Variants in LOC400499 observed in about 807,000 individuals in gnomAD.
the LOC400499 span, among the ~76,000 whole-genome samples, chr16:11,480,834 C>G: frequency 6.6e-6 from 1 of 152,166 alleles, no homozygotes; most frequent in Non-Finnish European, 1.5e-5. Flanking sequence ...TGAAAAGGAA[C>G]AAATTATAAG....
At chr16:11,493,582 C>G in the LOC400499 span, 16 of 395,268 alleles carry the variant, frequency 4.0e-5, no homozygotes, top group East Asian at 5.4e-4. Flanking sequence ...AATTAGCAAA[C>G]TGTGGTTCGA....
chr16:11,440,695 G>A, the LOC400499 span: 71 of 398,876 alleles, frequency 1.8e-4, no homozygotes, highest in South Asian at 1.2e-3. Flanking sequence ...GGCCTCCCTC[G>A]GCAAGGGAGC....
At chr16:11,458,320 T>C in the LOC400499 span, among the ~76,000 whole-genome samples, 1 of 152,016 alleles carries the variant, frequency 6.6e-6, no homozygotes, top group Non-Finnish European at 1.5e-5. Flanking sequence ...CACTCCAGCC[T>C]GGGCAACAGG....
At chr16:11,490,816 T>G in the LOC400499 span, among the ~76,000 whole-genome samples, 70 of 152,374 alleles carry the variant, frequency 4.6e-4, no homozygotes, top group African/African-American at 1.6e-3. Flanking sequence ...CAAGTTCTGA[T>G]GTAATACACA....
chr16:11,500,669 G>A, the LOC400499 span: 2 of 396,812 alleles, frequency 5.0e-6, no homozygotes, highest in Non-Finnish European at 8.9e-6. Context: ...AGCCCAGGAG[G>A]ATGGGTGGTC....
chr16:11,473,588 C>G, the LOC400499 span, among the ~76,000 whole-genome samples: 284 of 151,980 alleles, frequency 1.9e-3, no homozygotes, highest in African/African-American at 6.6e-3. Flanking sequence ...AACCCTGTCT[C>G]CACTAAAAAT....
At chr16:11,502,201 C>T in the LOC400499 span, 1 of 398,950 alleles carries the variant, frequency 2.5e-6, no homozygotes, top group Non-Finnish European at 4.4e-6. Context: ...GAGGGGGCAG[C>T]ATGAGACACC....
the LOC400499 span, chr16:11,516,216 G>T: frequency 5.0e-6 from 2 of 399,696 alleles, no homozygotes; most frequent in East Asian, 7.1e-5. Flanking sequence ...TTCACGTTCA[G>T]CACCCAGCGT....
the LOC400499 span, among the ~76,000 whole-genome samples, chr16:11,500,077 G>A: frequency 1.3e-5 from 2 of 152,206 alleles, no homozygotes; most frequent in Non-Finnish European, 2.9e-5. Flanking sequence ...CATTAAATAT[G>A]TGTGTTTATA....
At chr16:11,455,974 C>G in the LOC400499 span, among the ~76,000 whole-genome samples, 2 of 151,436 alleles carry the variant, frequency 1.3e-5, no homozygotes, top group Non-Finnish European at 2.9e-5. Context: ...GCCGAATTCA[C>G]TTTTAAACAA....
chr16:11,502,519 A>T, the LOC400499 span, among the ~76,000 whole-genome samples: 2,364 of 152,252 alleles, frequency 0.016, 87 homozygotes, highest in East Asian at 0.17. Flanking sequence ...AACCCCAATA[A>T]ATGTTCACTA....
chr16:11,455,958 C>G, the LOC400499 span, among the ~76,000 whole-genome samples: 1 of 151,826 alleles, frequency 6.6e-6, no homozygotes, highest in Non-Finnish European at 1.5e-5. Context: ...CAATGAGCAA[C>G]TCACAGCCGA....
the LOC400499 span, among the ~76,000 whole-genome samples, chr16:11,443,659 C>G: frequency 6.6e-6 from 1 of 151,974 alleles, no homozygotes; most frequent in Non-Finnish European, 1.5e-5. Flanking sequence ...ACATTGTAAT[C>G]GTCACAGCCA....
At chr16:11,388,914 C>T in the LOC400499 span, among the ~76,000 whole-genome samples, 1 of 152,154 alleles carries the variant, frequency 6.6e-6, no homozygotes, top group African/African-American at 2.4e-5. Context: ...TGGTGAAACC[C>T]CGTCTCTACT....
chr16:11,436,919 G>A, the LOC400499 span, among the ~76,000 whole-genome samples: 3 of 152,020 alleles, frequency 2.0e-5, no homozygotes, highest in Admixed American at 2.0e-4. Flanking sequence ...AGAATGCCTG[G>A]TGCTTCCTTA....
chr16:11,490,304 G>C, the LOC400499 span, among the ~76,000 whole-genome samples: 3,366 of 151,820 alleles, frequency 0.022, 121 homozygotes, highest in African/African-American at 0.077. Flanking sequence ...GCTGAGTCAG[G>C]GGAATTGCCT....
chr16:11,383,708 G>C, the LOC400499 span: 3 of 1,232,506 alleles, frequency 2.4e-6, no homozygotes, highest in East Asian at 3.2e-5. Flanking sequence ...GCGGCCGCCA[G>C]GTTGCAGGCA....
chr16:11,502,054 C>A, the LOC400499 span: 1 of 399,110 alleles, frequency 2.5e-6, no homozygotes. Flanking sequence ...CTAGTCCATC[C>A]CCCACCCGGA....
chr16:11,381,580 C>G, the LOC400499 span, among the ~76,000 whole-genome samples: 1 of 152,330 alleles, frequency 6.6e-6, no homozygotes, highest in East Asian at 1.9e-4. Flanking sequence ...GCCTCTGTAG[C>G]AGGAAAGCAG....
Sources: allele counts gnomAD v4.1 joint callset (sites outside exome capture counted in the v4.1 genomes callset), GRCh38; gene constraint gnomAD v4.1.1; transcripts MANE v1.5.